Variants in AHRR observed in about 807,000 individuals in gnomAD.
AHRR encodes the protein aryl hydrocarbon receptor repressor.
A neutral mutation model predicts 44.0 loss-of-function variants in AHRR; 28 were observed. The observed-to-expected ratio is 0.64, with a 90% CI of 0.47 to 0.87. The LOEUF (loss-of-function observed/expected upper bound fraction) is 0.87, where lower values mean the gene tolerates loss of function less well. AHRR is among the 40% of genes least tolerant of loss of function. The pLI is 0.00. For synonymous variants in AHRR, 434 were observed against 407.0 expected (o/e 1.07, Z -0.80); for missense variants, 990 against 953.9 (o/e 1.04, Z -0.50).
At chr5:402,960 C>G (rs1735079442) in intron 4 of AHRR, among the ~76,000 whole-genome samples, 1 of 151,082 alleles carries the variant, frequency 6.6e-6, no homozygotes, top group African/African-American at 2.4e-5. Context: ...TCTGCGTGAT[C>G]TCACTCATAT....
rs149630366 is a variant in AHRR at position 436,633 on chromosome 5, A to T, written c.*1799A>T. On this transcript the variant is annotated 3_prime_UTR_variant, in exon 11 of 11. Coordinates refer to ENST00000684583, the MANE Select transcript of AHRR (RefSeq NM_001377236.1). ...CCCAAGCCCTACCGAGGGGGCACTC[A>T]CTCTCTGCTTAGCCAGGGGGCGTCT... 2 of 151,944 alleles carry T rather than the reference A, an allele frequency of 1.3e-5. No homozygotes were observed. Among genetic ancestry groups the T allele is most frequent in the Admixed American group, 1.3e-4 (2 of 15,236 alleles). The allele number at this position is 151,944 out of a possible 1,614,324, so 9.4% of individuals were successfully genotyped here. A position where few individuals can be genotyped will look rare whatever the true frequency, so the allele number is the denominator to read the frequency against.
rs373834943 is a variant in AHRR at position 378,576 on chromosome 5, TG to T, written c.351+1863del. On this transcript the variant is annotated intron_variant, in intron 4 of 10. Transcript: ENST00000684583. ...CCTTCCCCAGGGAAGCCAAGACAGA[TG>T]GGCCACAGCCCGTGGCTTCCCCTGG... Among the ~76,000 whole-genome samples, 13 of 152,354 alleles carry T rather than the reference TG, an allele frequency of 8.5e-5. No individual in the cohort carries two copies. The East Asian group carries it at 2.5e-3, about 29-fold the overall frequency.
chr5:332,263 CTTTTTTTTT>C (rs36049046), intron 1 of AHRR, among the ~76,000 whole-genome samples: 1 of 116,988 alleles, frequency 8.5e-6, no homozygotes, highest in East Asian at 2.5e-4. Flanking sequence ...TCTGTTAAGA[CTTTTTTTTT>C]TTTTTTTTTT....
At chr5:332,846 A>G (rs572942213) in intron 1 of AHRR, among the ~76,000 whole-genome samples, 2 of 151,262 alleles carry the variant, frequency 1.3e-5, no homozygotes, top group South Asian at 2.1e-4. Flanking sequence ...GGGTGCACCA[A>G]TGTTGGATGC....
intron 6 of AHRR, 52 bp from the exon 7 acceptor site, chr5:423,789 G>C (rs188751498): frequency 6.5e-7 from 1 of 1,549,300 alleles, no homozygotes; most frequent in African/African-American, 1.4e-5. Flanking sequence ...CGTGTGACAC[G>C]TGTGTTTTGG....
intron 4 of AHRR, among the ~76,000 whole-genome samples, chr5:402,937 A>C (rs1213514265): frequency 6.6e-6 from 1 of 152,176 alleles, no homozygotes; most frequent in Non-Finnish European, 1.5e-5. Context: ...GAAATAAGTC[A>C]TGCACAGACA....
rs555425759 is a variant in AHRR at position 338,369 on chromosome 5, A to C, written c.-10-5524A>C. On this transcript the variant is annotated intron_variant, in intron 1 of 10. Coordinates refer to ENST00000684583, the MANE Select transcript of AHRR (RefSeq NM_001377236.1). This position sits in a 1 kb window ranked among gnomAD's most constrained non-coding sequence, Gnocchi z 4.1. ...TTCTTTCAGTTTTTGTGCATCTGAA[A>C]GCTCTTTATTTCACCTTCACTTGTG... Among the ~76,000 whole-genome samples the C allele has an allele frequency of 6.6e-6, 1 of 152,242 alleles. No homozygotes were observed. The highest frequency in any genetic ancestry group is 1.9e-4 in the East Asian group (1 of 5,188).
At chr5:367,724 ACC>A in intron 3 of AHRR, 1 of 637,760 alleles carries the variant, frequency 1.6e-6, no homozygotes, top group Non-Finnish European at 2.9e-6. Context: ...CCCTGACACC[ACC>A]CCCTCTGCTG....
chr5:340,683 TA>T (rs1742306062), intron 1 of AHRR, among the ~76,000 whole-genome samples: 16 of 33,188 alleles, frequency 4.8e-4, no homozygotes, highest in African/African-American at 1.1e-3. Flanking sequence ...TATATATATA[TA>T]TATATTTTTT....
intron 4 of AHRR, among the ~76,000 whole-genome samples, chr5:397,341 C>A (rs1734768836): frequency 1.4e-5 from 2 of 139,234 alleles, no homozygotes; most frequent in Middle Eastern, 4.1e-3. Flanking sequence ...CCATGTAGCC[C>A]CTGACCATCC....
intron 3 of AHRR, among the ~76,000 whole-genome samples, chr5:373,838 C>T (rs1214997661): frequency 4.6e-5 from 7 of 150,846 alleles, no homozygotes; most frequent in Admixed American, 4.6e-4. Flanking sequence ...TCCTGGCGCC[C>T]TGCCCGGGCG....
chr5:407,063 T>C (rs1420074040), intron 4 of AHRR, among the ~76,000 whole-genome samples: 2 of 152,234 alleles, frequency 1.3e-5, no homozygotes, highest in Admixed American at 6.5e-5. Context: ...TCATGCGCCA[T>C]GATTTAATTA....
At chr5:407,510 T>A (rs1443220835) in intron 4 of AHRR, among the ~76,000 whole-genome samples, 1 of 152,190 alleles carries the variant, frequency 6.6e-6, no homozygotes, top group Non-Finnish European at 1.5e-5. Flanking sequence ...TATGTTAATT[T>A]TGTACTGAAT....
intron 7 of AHRR, among the ~76,000 whole-genome samples, chr5:426,284 G>C (rs1736383983): frequency 6.6e-6 from 1 of 151,886 alleles, no homozygotes; most frequent in Non-Finnish European, 1.5e-5. Flanking sequence ...GTGGATGGAT[G>C]AGTGGATGGA....
rs371333800 is a variant in AHRR at position 342,574 on chromosome 5, A to T, written c.-10-1319A>T. Among the ~76,000 whole-genome samples the T allele has an allele frequency of 7.2e-4, 109 of 152,276 alleles. 4 individuals are homozygous for T. In the South Asian group the frequency reaches 0.022, roughly 31 times the overall value. The stretch of plus-strand genomic sequence containing the variant: ...CAAGTGGATCCATGACACATTTCTG[A>T]CATTTTTATGGCACTTTCCACACAA... On this transcript the variant is annotated intron_variant, in intron 1 of 10. Transcript: ENST00000684583. This position sits in a 1 kb window ranked among gnomAD's most constrained non-coding sequence, Gnocchi z 4.3.
chr5:389,619 A>G (rs1734321015), intron 4 of AHRR, among the ~76,000 whole-genome samples: 1 of 151,702 alleles, frequency 6.6e-6, no homozygotes, highest in South Asian at 2.1e-4. Context: ...AGCCCTGGAC[A>G]CCGAGCCCGG....
chr5:414,063 G>C (rs1735591158), intron 5 of AHRR, among the ~76,000 whole-genome samples: 1 of 152,210 alleles, frequency 6.6e-6, no homozygotes, highest in South Asian at 2.1e-4. Context: ...AGGAGATTGA[G>C]ACCAGGCTGG....
intron 3 of AHRR, among the ~76,000 whole-genome samples, 156 bp downstream of exon 3, chr5:354,067 G>A (rs1742959109): frequency 6.6e-6 from 1 of 152,224 alleles, no homozygotes; most frequent in Admixed American, 6.5e-5. Flanking sequence ...TGGAGACTTG[G>A]CCCCTGGATG....
intron 5 of AHRR, among the ~76,000 whole-genome samples, chr5:416,363 C>G (rs574599482): frequency 6.6e-6 from 1 of 152,272 alleles, no homozygotes; most frequent in African/African-American, 2.4e-5. Context: ...GGCCAGACCA[C>G]GGGGCCACTG....
Sources: gnomAD v4.1 joint callset for allele counts (sites outside exome capture counted in the v4.1 genomes callset) on GRCh38, gnomAD v4.1.1 for gene constraint, Gnocchi (gnomAD v3.1) non-coding constraint, MANE v1.5 for transcripts, NCBI Gene and HGNC (gene_info 2026-07-23, HGNC 2026-07-21) for gene names.